Variants in FAM13A observed in about 807,000 individuals in gnomAD.
The protein encoded by FAM13A is family with sequence similarity 13 member A, also known as protein FAM13A.
In FAM13A, 76 loss-of-function variants were observed where a neutral mutation model predicts 129.6. That is an observed-to-expected ratio of 0.59 (90% CI 0.49 to 0.71). FAM13A has a LOEUF of 0.71. Ranked by LOEUF, FAM13A falls within the 30% of genes least tolerant of loss-of-function variation. The pLI is 0.00. For missense variants in FAM13A, 1,108 were observed against 1,249.3 expected, an observed-to-expected ratio of 0.89 and a Z score of 1.70; for synonymous variants, 443 against 449.9, an observed-to-expected ratio of 0.98 and a Z score of 0.20.
At chr4:88,925,812 C>A (rs186913707) in intron 5 of FAM13A, among the ~76,000 whole-genome samples, 1 of 151,688 alleles carries the variant, frequency 6.6e-6, no homozygotes, top group African/African-American at 2.4e-5. Flanking sequence ...GAAAAAAAAC[C>A]CCAACTTATC....
intron 4 of FAM13A, among the ~76,000 whole-genome samples, chr4:88,949,530 AT>A (rs1756581148): frequency 6.6e-6 from 1 of 152,192 alleles, no homozygotes; most frequent in Non-Finnish European, 1.5e-5. Context: ...AAGTTTCCAA[AT>A]TTGTACTCTC....
chr4:88,778,841 T>G (rs1722287970), intron 11 of FAM13A, among the ~76,000 whole-genome samples: 1 of 152,200 alleles, frequency 6.6e-6, no homozygotes, highest in Non-Finnish European at 1.5e-5. Flanking sequence ...CCAACCATAA[T>G]GGTGCCTCTG....
chr4:88,880,478 G>T (rs992494859), intron 6 of FAM13A, among the ~76,000 whole-genome samples: 2 of 152,174 alleles, frequency 1.3e-5, no homozygotes, highest in Middle Eastern at 6.8e-3. Context: ...TGTCTCATAG[G>T]GGTCCTTGGG....
chr4:88,800,604 G>A (rs1727238459), intron 8 of FAM13A, among the ~76,000 whole-genome samples: 1 of 149,764 alleles, frequency 6.7e-6, no homozygotes, highest in South Asian at 2.1e-4. Context: ...AGAATCACTT[G>A]AACCTGGGAG....
intron 1 of FAM13A, among the ~76,000 whole-genome samples, chr4:89,054,821 T>C (rs1200943441): frequency 6.6e-6 from 1 of 152,088 alleles, no homozygotes; most frequent in Non-Finnish European, 1.5e-5. Flanking sequence ...AAACACAACC[T>C]TCATTCCACC....
rs1741646172 is a variant in FAM13A, at chr4:88,747,657, C to T, written c.2356G>A (p.Glu786Lys). ...TTAATGTCCTCAGGGCGGCTGCTTT[C>T]CGCTCGCTTCTCCTGGAGCTTCCTC... Reference protein sequence around the residue: ...IQRKLQEKRAESSRPEDIKDM... With the variant: ...IQRKLQEKRAKSSRPEDIKDM... Residue 786 changes from glutamate (E) to lysine (K), a missense_variant, in exon 18 of 24, where the codon GAA becomes AAA. Glu to Lys is a moderately conservative substitution (Grantham distance 56). Coordinates refer to ENST00000264344, the MANE Select transcript of FAM13A (RefSeq NM_014883.4). The T allele has an allele frequency of 6.2e-7, 1 of 1,614,200 alleles. No individual in the cohort carries two copies. Among genetic ancestry groups the T allele is most frequent in the Non-Finnish European group, 8.5e-7 (1 of 1,180,036 alleles).
chr4:88,786,343 T>A (rs967815584), intron 10 of FAM13A, among the ~76,000 whole-genome samples: 2 of 152,176 alleles, frequency 1.3e-5, no homozygotes, highest in African/African-American at 2.4e-5. Context: ...AAATGCAAAA[T>A]GTTGCTACAT....
intron 2 of FAM13A, among the ~76,000 whole-genome samples, chr4:89,028,686 A>T (rs1226812807): frequency 1.3e-5 from 2 of 151,770 alleles, no homozygotes; most frequent in Non-Finnish European, 2.9e-5. Context: ...GCAAGACCCT[A>T]TCTCTTAAAA....
intron 13 of FAM13A, 67 bp from the exon 14 acceptor site, chr4:88,758,968 T>C: frequency 6.6e-7 from 1 of 1,510,424 alleles, no homozygotes; most frequent in Middle Eastern, 1.8e-4. Context: ...TCTGCAGCAA[T>C]TCCACTCCTT....
intron 5 of FAM13A, among the ~76,000 whole-genome samples, chr4:88,927,386 A>G (rs1224368933): frequency 1.3e-5 from 2 of 150,894 alleles, no homozygotes; most frequent in African/African-American, 4.9e-5. Flanking sequence ...AGATTGTATA[A>G]TCAATGAACA....
intron 6 of FAM13A, among the ~76,000 whole-genome samples, chr4:88,873,594 G>A (rs1741816799): frequency 6.6e-6 from 1 of 152,186 alleles, no homozygotes; most frequent in Non-Finnish European, 1.5e-5. Flanking sequence ...AACCCAGGAA[G>A]AAGTTGAATC....
At position 88,837,817 on chromosome 4, in the gene FAM13A, G is replaced by T. The variant is rs575444362; in HGVS notation, c.1007+13203C>A. On this transcript the variant is annotated intron_variant, in intron 7 of 23. Coordinates refer to ENST00000264344, the MANE Select transcript of FAM13A (RefSeq NM_014883.4). ...ACATATTAAAAGTCTTCCTTTTTCA[G>T]TTATATTTATATGTCAATAGATATA... Among the ~76,000 whole-genome samples, 696 of 150,218 alleles carry T rather than the reference G, an allele frequency of 4.6e-3. 4 individuals are homozygous for T. Among genetic ancestry groups the T allele is most frequent in the African/African-American group, 0.016 (659 of 40,858 alleles).
At chr4:88,806,425 C>T (rs1294396597) in intron 7 of FAM13A, among the ~76,000 whole-genome samples, 1 of 152,038 alleles carries the variant, frequency 6.6e-6, no homozygotes, top group East Asian at 1.9e-4. Flanking sequence ...AAGTCTGCTT[C>T]GACTGATAGT....
At chr4:89,000,200 CAA>C (rs1201492999) in intron 3 of FAM13A, among the ~76,000 whole-genome samples, 2 of 152,018 alleles carry the variant, frequency 1.3e-5, no homozygotes. Context: ...GGTAGATACT[CAA>C]GAGAAATGAA....
chr4:88,955,666 T>A (rs569610992), intron 4 of FAM13A, among the ~76,000 whole-genome samples: 1 of 152,132 alleles, frequency 6.6e-6, no homozygotes, highest in Non-Finnish European at 1.5e-5. Context: ...GTGATATGGA[T>A]AATAAAGTCC....
At chr4:88,978,462 T>C (rs894308096) in intron 4 of FAM13A, among the ~76,000 whole-genome samples, 11 of 152,184 alleles carry the variant, frequency 7.2e-5, no homozygotes, top group Non-Finnish European at 2.9e-5. Flanking sequence ...AGGATTTGAA[T>C]GACACAGGAA....
chr4:89,049,461 A>AT (rs1771273949), intron 1 of FAM13A, among the ~76,000 whole-genome samples: 1 of 152,222 alleles, frequency 6.6e-6, no homozygotes, highest in African/African-American at 2.4e-5. Flanking sequence ...ATTTCTTTAC[A>AT]TTTTAACTAA....
chr4:88,731,724 C>T (rs537164456), intron 22 of FAM13A: 82 of 518,354 alleles, frequency 1.6e-4, no homozygotes, highest in African/African-American at 1.2e-3. Flanking sequence ...CTGTGCTCAG[C>T]GTGTGTTAAG....
Position 89,008,066 on chromosome 4 carries a change from C to T in FAM13A, c.427+12394G>A, listed in dbSNP as rs532207801. Among the ~76,000 whole-genome samples, 126 of 69,782 alleles carry T rather than the reference C, an allele frequency of 1.8e-3. No individual in the cohort carries two copies. In the Middle Eastern group the frequency reaches 0.039, roughly 22 times the overall value. 45.8% of individuals were successfully genotyped at this position (69,782 alleles called of 152,430 possible). A position where few individuals can be genotyped will look rare whatever the true frequency, so the allele number is the denominator to read the frequency against. On this transcript the variant is annotated intron_variant, in intron 3 of 23. Transcript: ENST00000264344. ...AAATTCACTAGACATTAAGGATTTCCGAGATCTGTCGGAGATCAATGCTAT... is the reference window on the plus strand; with the variant it reads ...AAATTCACTAGACATTAAGGATTTCTGAGATCTGTCGGAGATCAATGCTAT...
Sources: allele counts gnomAD v4.1 joint callset (sites outside exome capture counted in the v4.1 genomes callset), GRCh38; gene constraint gnomAD v4.1.1; transcripts MANE v1.5; gene names NCBI Gene and HGNC (gene_info 2026-07-23, HGNC 2026-07-21).